XXYLT1: variants seen among roughly 807,000 people sequenced by gnomAD.
The protein encoded by XXYLT1 is xyloside xylosyltransferase 1, also known as UDP-xylose:alpha-xyloside alpha-1,3-xylosyltransferase.
XXYLT1 carries 20 observed loss-of-function variants against 28.9 expected under a neutral mutation model. The observed-to-expected ratio is 0.69, with a 90% CI of 0.49 to 1.00. The LOEUF is 1.00. XXYLT1 is among the 50% of genes least tolerant of loss of function. The pLI is 0.00. For synonymous variants in XXYLT1, 257 were observed against 253.8 expected, an observed-to-expected ratio of 1.01 and a Z score of -0.12; for missense variants, 542 against 560.1, an observed-to-expected ratio of 0.97 and a Z score of 0.33.
chr3:195,147,582 C>A (rs1719930797), intron 3 of XXYLT1, among the ~76,000 whole-genome samples: 2 of 152,180 alleles, frequency 1.3e-5, no homozygotes, highest in Non-Finnish European at 2.9e-5. Flanking sequence ...AACAAACAAA[C>A]TGAGAATAAC....
intron 2 of XXYLT1, among the ~76,000 whole-genome samples, chr3:195,201,405 C>CT (rs1722844424): frequency 6.6e-6 from 1 of 152,216 alleles, no homozygotes; most frequent in Non-Finnish European, 1.5e-5. Context: ...CTCTGGGGGT[C>CT]CATCTCAACC....
chr3:195,117,644 C>A (rs6766494), intron 3 of XXYLT1, among the ~76,000 whole-genome samples: 5 of 47,480 alleles, frequency 1.1e-4, no homozygotes, highest in Admixed American at 2.5e-4. Context: ...ACTCCATGCA[C>A]CCCCCTCTCT....
At chr3:195,118,768 A>C (rs998545028) in intron 3 of XXYLT1, among the ~76,000 whole-genome samples, 16 of 152,230 alleles carry the variant, frequency 1.1e-4, no homozygotes, top group Non-Finnish European at 1.5e-5. Context: ...TGACAGCGCC[A>C]ATCCCAGAAA....
intron 3 of XXYLT1, among the ~76,000 whole-genome samples, chr3:195,135,759 C>A (rs1003092718): frequency 6.6e-6 from 1 of 152,148 alleles, no homozygotes; most frequent in Non-Finnish European, 1.5e-5. Context: ...AGATTTTCTA[C>A]AGTAAATCTT....
intron 3 of XXYLT1, among the ~76,000 whole-genome samples, chr3:195,106,177 T>G (rs951366873): frequency 7.9e-5 from 12 of 152,192 alleles, no homozygotes; most frequent in Admixed American, 7.8e-4. Context: ...ATAAAACCTC[T>G]TTGTGGAAGC....
In XXYLT1 at chr3:195,084,160, A is replaced by T. The variant is rs1411253351; in HGVS notation, c.786-14049T>A. On this transcript the variant is annotated intron_variant, in intron 3 of 3. Coordinates refer to ENST00000310380, the MANE Select transcript of XXYLT1 (RefSeq NM_152531.5). ...AAATAACATCACAGAAAGGATTCCT[A>T]GCGGGCTTTGGTTCTCTGGGAAGGT... Among the ~76,000 whole-genome samples, 5 of 152,230 alleles carry T rather than the reference A, an allele frequency of 3.3e-5. No individual in the cohort carries two copies. In the South Asian group the frequency reaches 8.3e-4, roughly 25 times the overall value.
At chr3:195,207,415 T>C (rs1384301458) in intron 2 of XXYLT1, 3 of 454,886 alleles carry the variant, frequency 6.6e-6, no homozygotes, top group Admixed American at 2.4e-5. Flanking sequence ...AGTGACTTTA[T>C]TCTACTCACC....
chr3:195,112,038 G>A (rs1214367584), intron 3 of XXYLT1, among the ~76,000 whole-genome samples: 1 of 152,208 alleles, frequency 6.6e-6, no homozygotes, highest in Non-Finnish European at 1.5e-5. Flanking sequence ...CTGCAGAAAT[G>A]TGCAAATGAG....
chr3:195,121,306 G>A (rs905049823), intron 3 of XXYLT1, among the ~76,000 whole-genome samples: 1 of 152,224 alleles, frequency 6.6e-6, no homozygotes, highest in African/African-American at 2.4e-5. Flanking sequence ...GTGATTCAAA[G>A]GACAAGATGG....
At chr3:195,083,988 G>A (rs146174410) in intron 3 of XXYLT1, among the ~76,000 whole-genome samples, 1,610 of 152,078 alleles carry the variant, frequency 0.011, 21 homozygotes, top group Non-Finnish European at 0.017. Context: ...ATTGCACCAC[G>A]GCACTCCAGC....
chr3:195,258,709 G>T (rs959087725), intron 1 of XXYLT1, among the ~76,000 whole-genome samples: 8 of 152,184 alleles, frequency 5.3e-5, no homozygotes, highest in Non-Finnish European at 8.8e-5. Flanking sequence ...CCTTCCAGCA[G>T]GAAAGAGAAA....
At chr3:195,142,065 T>C (rs1346187139) in intron 3 of XXYLT1, among the ~76,000 whole-genome samples, 2 of 152,244 alleles carry the variant, frequency 1.3e-5, no homozygotes, top group African/African-American at 4.8e-5. Flanking sequence ...CGGTTATTTC[T>C]GACCCCAAAT....
intron 2 of XXYLT1, among the ~76,000 whole-genome samples, chr3:195,212,247 C>T (rs1288150902): frequency 1.3e-5 from 2 of 152,174 alleles, no homozygotes; most frequent in African/African-American, 4.8e-5. Context: ...AGTGACAGCA[C>T]AGTGCAGGCT....
At chr3:195,093,168 T>C (rs1230465995) in intron 3 of XXYLT1, among the ~76,000 whole-genome samples, 1 of 85,556 alleles carries the variant, frequency 1.2e-5, no homozygotes, top group Non-Finnish European at 2.1e-5. Flanking sequence ...GACCCAGCCA[T>C]CCCATTACTG....
At position 195,076,627 on chromosome 3, in the gene XXYLT1, C is replaced by T. The variant is rs76597421; in HGVS notation, c.786-6516G>A. 0.025 allele frequency among the ~76,000 whole-genome samples: 3,735 copies of T among 152,236 alleles called. 160 individuals are homozygous for T. Among genetic ancestry groups the T allele is most frequent in the African/African-American group, 0.086 (3,570 of 41,518 alleles). ...AGCAGAAAGGTGCTGCCTCTCCGTT[C>T]GGCGGGCTGGAAGTCCAAGATCACA... On this transcript the variant is annotated intron_variant, in intron 3 of 3. Transcript: ENST00000310380. The surrounding 1 kb of genome is among the most constrained non-coding windows in gnomAD (Gnocchi z 5.3).
chr3:195,119,513 CAG>C (rs1718231350), intron 3 of XXYLT1, among the ~76,000 whole-genome samples: 1 of 152,020 alleles, frequency 6.6e-6, no homozygotes, highest in Non-Finnish European at 1.5e-5. Context: ...AACAAGAAGA[CAG>C]AAAGAATGGA....
intron 3 of XXYLT1, among the ~76,000 whole-genome samples, chr3:195,128,504 A>C (rs1306201096): frequency 6.6e-6 from 1 of 152,186 alleles, no homozygotes; most frequent in Non-Finnish European, 1.5e-5. Context: ...ATGCCTTTGC[A>C]TGGTTTATGA....
chr3:195,185,503 GTTTTTTT>G (rs10576287), intron 2 of XXYLT1, among the ~76,000 whole-genome samples: 2 of 126,160 alleles, frequency 1.6e-5, no homozygotes, highest in African/African-American at 3.0e-5. Context: ...TTAGGGCTGG[GTTTTTTT>G]TTTTTTTTTT....
intron 3 of XXYLT1, among the ~76,000 whole-genome samples, chr3:195,100,986 C>T (rs1716744458): frequency 6.6e-6 from 1 of 152,274 alleles, no homozygotes; most frequent in Non-Finnish European, 1.5e-5. Flanking sequence ...AAGGATATAA[C>T]TAGCCTTTTC....
Sources: gnomAD v4.1 joint callset for allele counts (sites outside exome capture counted in the v4.1 genomes callset) on GRCh38, gnomAD v4.1.1 for gene constraint, Gnocchi (gnomAD v3.1) non-coding constraint, MANE v1.5 for transcripts, NCBI Gene and HGNC (gene_info 2026-07-23, HGNC 2026-07-21) for gene names.